Variants in HIGD1C observed in about 807,000 individuals in gnomAD.
HIGD1C encodes HIG1 hypoxia inducible domain family member 1C.
In HIGD1C, 11 loss-of-function variants were observed where a neutral mutation model predicts 13.1. The ratio of observed to expected loss-of-function variants is 0.84; its 90% CI spans 0.53 to 1.39. HIGD1C has a LOEUF of 1.39. HIGD1C is among the 40% of genes most tolerant of loss of function. The pLI is 0.00. For synonymous variants in HIGD1C, 36 were observed against 37.7 expected (o/e 0.95, Z 0.17); for missense variants, 110 against 112.0 (o/e 0.98, Z 0.08).
At chr12:50,936,597 C>A in the HIGD1C span, among the ~76,000 whole-genome samples, 1 of 152,238 alleles carries the variant, frequency 6.6e-6, no homozygotes, top group African/African-American at 2.4e-5. Flanking sequence ...CCCCACTACA[C>A]TGTATAGCTT....
chr12:50,962,675 C>T (rs987295450), intron 2 of HIGD1C, among the ~76,000 whole-genome samples: 46 of 152,066 alleles, frequency 3.0e-4, no homozygotes, highest in African/African-American at 1.1e-3. Context: ...TTAGCCTGGG[C>T]ATCAGAGCAA....
chr12:50,941,619 G>T, the HIGD1C span, among the ~76,000 whole-genome samples: 1 of 152,070 alleles, frequency 6.6e-6, no homozygotes, highest in Non-Finnish European at 1.5e-5. Context: ...ACAAATAAAC[G>T]TACCATTTCA....
the HIGD1C span, among the ~76,000 whole-genome samples, chr12:50,934,493 T>G: frequency 6.6e-6 from 1 of 152,380 alleles, no homozygotes; most frequent in South Asian, 2.1e-4. Context: ...CTGTGTGCTC[T>G]GCTCTTAGTG....
upstream of HIGD1C, among the ~76,000 whole-genome samples, chr12:50,953,530 A>G (rs1168567647): frequency 6.6e-6 from 1 of 152,248 alleles, no homozygotes; most frequent in African/African-American, 2.4e-5. Flanking sequence ...TGCCCTGCAC[A>G]TTCTGCAGAG....
chr12:50,959,423 T>C (rs1939238997), intron 1 of HIGD1C, among the ~76,000 whole-genome samples: 1 of 152,108 alleles, frequency 6.6e-6, no homozygotes, highest in Non-Finnish European at 1.5e-5. Flanking sequence ...CCCGGCCCCA[T>C]ATCCTCTTAT....
chr12:50,956,626 G>A (rs1939106675), intron 1 of HIGD1C, among the ~76,000 whole-genome samples: 1 of 152,142 alleles, frequency 6.6e-6, no homozygotes, highest in Non-Finnish European at 1.5e-5. Flanking sequence ...TTTAAAGTAT[G>A]TGTTGACAGA....
the HIGD1C span, among the ~76,000 whole-genome samples, chr12:50,946,817 G>A: frequency 6.6e-6 from 1 of 152,156 alleles, no homozygotes; most frequent in African/African-American, 2.4e-5. Flanking sequence ...TAAATGACAA[G>A]TTAATGGGTG....
the HIGD1C span, among the ~76,000 whole-genome samples, chr12:50,938,032 C>T: frequency 6.6e-6 from 1 of 152,194 alleles, no homozygotes; most frequent in Non-Finnish European, 1.5e-5. Context: ...CCCCAACCTT[C>T]TGGCCATCCC....
intron 2 of HIGD1C, among the ~76,000 whole-genome samples, chr12:50,963,571 A>G (rs2139815404): frequency 6.6e-6 from 1 of 152,128 alleles, no homozygotes; most frequent in East Asian, 1.9e-4. Flanking sequence ...GGGGCTAAAC[A>G]TGGAGCTGGC....
chr12:50,953,818 G>T, upstream of HIGD1C: 1 of 526,502 alleles, frequency 1.9e-6, no homozygotes. Flanking sequence ...CCTGCAAAAT[G>T]AAAAAATTCG....
At chr12:50,962,758 T>A (rs980694375) in intron 2 of HIGD1C, among the ~76,000 whole-genome samples, 1 of 152,090 alleles carries the variant, frequency 6.6e-6, no homozygotes, top group South Asian at 2.1e-4. Flanking sequence ...GGTATTTAAC[T>A]AGGGCTGGGA....
At chr12:50,964,918 G>C (rs924100921) in intron 2 of HIGD1C, among the ~76,000 whole-genome samples, 5 of 152,136 alleles carry the variant, frequency 3.3e-5, no homozygotes, top group Admixed American at 6.6e-5. Context: ...TGTAGAGGCA[G>C]AGTCTCACTA....
intron 1 of HIGD1C, among the ~76,000 whole-genome samples, chr12:50,958,514 C>G (rs959375630): frequency 6.6e-6 from 1 of 151,428 alleles, no homozygotes; most frequent in African/African-American, 2.4e-5. Flanking sequence ...ATCTCCTGAC[C>G]TCGTGATCCG....
At chr12:50,955,341 G>T (rs1475942855) in intron 1 of HIGD1C, among the ~76,000 whole-genome samples, 1 of 152,122 alleles carries the variant, frequency 6.6e-6, no homozygotes, top group Non-Finnish European at 1.5e-5. Context: ...CACATATTTA[G>T]TATGTTTACA....
chr12:50,966,849 T>C (rs1315851527), intron 2 of HIGD1C, among the ~76,000 whole-genome samples: 4 of 152,162 alleles, frequency 2.6e-5, no homozygotes, highest in Non-Finnish European at 5.9e-5. Context: ...TGAATTTGTA[T>C]TGTGATGAGC....
the HIGD1C span, among the ~76,000 whole-genome samples, chr12:50,939,622 T>C: frequency 1.3e-5 from 2 of 152,198 alleles, no homozygotes; most frequent in Non-Finnish European, 2.9e-5. Flanking sequence ...GTCAGAATAT[T>C]TGAATCCAGA....
chr12:50,942,890 A>T, the HIGD1C span, among the ~76,000 whole-genome samples: 1 of 143,078 alleles, frequency 7.0e-6, no homozygotes. Flanking sequence ...TTTGAGATGC[A>T]GTTTCACTCT....
the HIGD1C span, among the ~76,000 whole-genome samples, chr12:50,948,266 G>A: frequency 2.0e-5 from 3 of 152,074 alleles, no homozygotes; most frequent in Non-Finnish European, 4.4e-5. Flanking sequence ...ATAAGTTATT[G>A]AATATGCAAA....
upstream of HIGD1C, among the ~76,000 whole-genome samples, chr12:50,951,488 A>G (rs909321523): frequency 6.6e-6 from 1 of 152,216 alleles, no homozygotes; most frequent in African/African-American, 2.4e-5. Context: ...GATATTTCAC[A>G]CTAAGAAGAG....
Sources: gnomAD v4.1 joint callset for allele counts (sites outside exome capture counted in the v4.1 genomes callset) on GRCh38, gnomAD v4.1.1 for gene constraint, MANE v1.5 for transcripts, NCBI Gene and HGNC (gene_info 2026-07-23, HGNC 2026-07-21) for gene names.